The following ITGB4 variants were observed in gnomAD, a reference collection of about 807,000 sequenced individuals.
The protein encoded by ITGB4 is integrin subunit beta 4.
A neutral mutation model predicts 207.6 loss-of-function variants in ITGB4; 159 were observed. That is an observed-to-expected ratio of 0.77 (90% CI 0.67 to 0.87). ITGB4 has a LOEUF of 0.87. Among genes scored for constraint, ITGB4 ranks in the 40% least tolerant of loss-of-function variants. The probability of loss-of-function intolerance (pLI) is 0.00; values close to 1 mark genes in which losing one functional copy is unlikely to be tolerated. For missense variants in ITGB4, 2,278 were observed against 2,546.8 expected, an observed-to-expected ratio of 0.89 and a Z score of 2.27; for synonymous variants, 1,020 against 1,062.7, an observed-to-expected ratio of 0.96 and a Z score of 0.78.
Position 75,727,278 on chromosome 17 carries a change from G to C in ITGB4, c.162+1G>C. The C allele has an allele frequency of 6.2e-7, 1 of 1,613,982 alleles. No individual in the cohort carries two copies. The highest frequency in any genetic ancestry group is 2.2e-5 in the East Asian group (1 of 44,864). ...GGACTGCGCCTACTGCACAGACGAG[G>C]TGAGGACCTGGCCCGGGTTGGTGTG... On this transcript the variant is annotated splice_donor_variant, in intron 3 of 39. Transcript: ENST00000200181. LOFTEE classifies it high-confidence loss of function. This position sits in a 1 kb window ranked among gnomAD's most constrained non-coding sequence, Gnocchi z 6.0.
In ITGB4 at chr17:75,757,245, C is replaced by T. The variant is rs140577812; in HGVS notation, c.5264C>T (p.Pro1755Leu). The change falls in exon 39 of 40, where the codon CCG (proline) becomes CTG (leucine). Residue 1755 changes from proline to leucine, a missense_variant. Coordinates refer to ENST00000200181, the MANE Select transcript of ITGB4 (RefSeq NM_000213.5). The part of the protein sequence containing the change: ...LGSRAGLFQH[P>L]LQSEYSSITT... ...AGCCGTGCCGGGCTCTTCCAGCACC[C>T]GCTGCAAAGCGAGTACAGCAGCATC... 3.4e-4 allele frequency: 551 copies of T among 1,611,964 alleles called. No individual in the cohort carries two copies. The highest frequency in any genetic ancestry group is 4.1e-4 in the Non-Finnish European group (483 of 1,180,006).
intron 18 of ITGB4, among the ~76,000 whole-genome samples, chr17:75,738,308 C>T (rs1000345219): frequency 6.6e-6 from 1 of 152,004 alleles, no homozygotes; most frequent in Admixed American, 6.6e-5. Context: ...CAGCCCCCAG[C>T]TCAGCCCTTG....
chr17:75,734,231 G>A (rs1288254058), intron 13 of ITGB4, among the ~76,000 whole-genome samples: 1 of 147,254 alleles, frequency 6.8e-6, no homozygotes, highest in Admixed American at 6.9e-5. Context: ...CTGCCTCCTG[G>A]GTTCAGGCGA....
In ITGB4 at chr17:75,757,279, C is replaced by A; in HGVS notation, c.5298C>A (p.Thr1766=). The A allele has an allele frequency of 1.9e-6, 3 of 1,611,118 alleles. No individual in the cohort carries two copies. Among genetic ancestry groups the A allele is most frequent in the Middle Eastern group, 1.7e-4 (1 of 6,060 alleles). ...GCGAGTACAGCAGCATCACCACCAC[C>A]CACACCAGCGCCACCGAGCCCTTCC... The part of the protein sequence containing the change: ...LQSEYSSITT[T]HTSATEPFLV... The change falls in exon 39 of 40, where the codon ACC becomes ACA. Residue 1766 remains threonine, a synonymous_variant. Transcript: ENST00000200181.
At position 75,742,692 on chromosome 17, in the gene ITGB4, A is replaced by G. The variant is rs896040026; in HGVS notation, c.2893A>G (p.Ile965Val). 5 of 1,613,746 alleles carry G rather than the reference A, an allele frequency of 3.1e-6. No homozygotes were observed. The African/African-American group carries it at 5.3e-5, about 17-fold the overall frequency. ...DDEKQLLVEA[I>V]DVPAGTATLG... ...CGAGAAGCAGCTGCTGGTGGAGGCC[A>G]TCGACGTGCCCGCAGGCACTGCCAC... Residue 965 changes from isoleucine to valine, a missense_variant, in exon 25 of 40, where the codon ATC becomes GTC. Coordinates refer to ENST00000200181, the MANE Select transcript of ITGB4 (RefSeq NM_000213.5). This position sits in a 1 kb window ranked among gnomAD's most constrained non-coding sequence, Gnocchi z 5.9.
Position 75,757,471 on chromosome 17 carries a change from T to C in ITGB4, c.5385T>C (p.His1795=). ...AGGCAGGCGGCTCCCTCACCCGGCATGTGACCCAGGAGTTTGTGAGCCGGA... is the reference window on the plus strand; with the variant it reads ...AGGCAGGCGGCTCCCTCACCCGGCACGTGACCCAGGAGTTTGTGAGCCGGA... The part of the protein sequence containing the change: ...HLEAGGSLTR[H]VTQEFVSRTL... The change falls in exon 40 of 40, where the codon CAT becomes CAC. Residue 1795 remains histidine, a synonymous_variant. Transcript: ENST00000200181. 2 of 1,612,932 alleles carry C rather than the reference T, an allele frequency of 1.2e-6. No individual in the cohort carries two copies. The highest frequency in any genetic ancestry group is 1.7e-6 in the Non-Finnish European group (2 of 1,180,006).
At chr17:75,721,668 G>C (rs1599198712) in intron 1 of ITGB4, 56 bp downstream of exon 1, 1 of 152,606 alleles carries the variant, frequency 6.6e-6, no homozygotes, top group East Asian at 1.9e-4. Flanking sequence ...GGCAGGGCCG[G>C]TGGCTTTTGT....
At chr17:75,724,649 CCATGGCTGTGGAGGCCT>C (rs2060682153) in intron 1 of ITGB4, 28 bp from the exon 2 acceptor site, 2 of 1,395,160 alleles carry the variant, frequency 1.4e-6, no homozygotes, top group Non-Finnish European at 1.0e-6. Flanking sequence ...ACGGCACCGA[CCATGGCTGTGGAGGCCT>C]CATGTGTCAA....
Position 75,727,402 on chromosome 17 carries a change from A to G in ITGB4, c.163-2A>G. The G allele has an allele frequency of 6.2e-7, 1 of 1,614,046 alleles. No individual in the cohort carries two copies. The highest frequency in any genetic ancestry group is 8.5e-7 in the Non-Finnish European group (1 of 1,180,012). Reference sequence around the variant, plus strand: ...CCAGTGACCCCCTGTCCTTCTGGCCAGATGTTCAGGGACCGGCGCTGCAAC... The same window carrying G: ...CCAGTGACCCCCTGTCCTTCTGGCCGGATGTTCAGGGACCGGCGCTGCAAC... On this transcript the variant is annotated splice_acceptor_variant, in intron 3 of 39. Transcript: ENST00000200181. LOFTEE classifies it high-confidence loss of function. This position sits in a 1 kb window ranked among gnomAD's most constrained non-coding sequence, Gnocchi z 6.0.
rs563096686 is a variant in ITGB4, at chr17:75,733,613, C to T, written c.1578C>T (p.Tyr526=). The change falls in exon 13 of 40, where the codon TAC becomes TAT. Residue 526 remains tyrosine (Y), a synonymous_variant. Transcript: ENST00000200181. ...GECQCGHCVC[Y]GEGRYEGQFC... ...GCCAGTGCGGGCACTGTGTGTGCTA[C>T]GGCGAAGGCCGCTACGAGGGTCAGT... 51 of 1,614,140 alleles carry T rather than the reference C, an allele frequency of 3.2e-5. No homozygotes were observed. The East Asian group carries it at 3.3e-4, about 11-fold the overall frequency.
chr17:75,731,453 G>T lies in ITGB4; in HGVS notation c.1215+85G>T. ...ATCGTTTAAAACAGCGGTCAAGAGC[G>T]TGGCCCCTGGAGTCAGGCAGGCCTG... On this transcript the variant is annotated intron_variant, in intron 10 of 39. Transcript: ENST00000200181. The surrounding 1 kb of genome is among the most constrained non-coding windows in gnomAD (Gnocchi z 6.8). The T allele has an allele frequency of 2.9e-6, 4 of 1,399,114 alleles. No individual in the cohort carries two copies. The Admixed American group carries it at 7.2e-5, about 25-fold the overall frequency. 86.7% of individuals were successfully genotyped at this position (1,399,114 alleles called of 1,614,324 possible).
intron 18 of ITGB4, 111 bp downstream of exon 18, chr17:75,737,755 G>A (rs2061014231): frequency 1.1e-6 from 1 of 925,896 alleles, no homozygotes; most frequent in Admixed American, 1.9e-5. Flanking sequence ...CATCTCCCCA[G>A]GGTCCCCAAC....
Position 75,749,195 on chromosome 17 carries a change from G to C in ITGB4, c.3316+150G>C. The C allele has an allele frequency of 8.3e-6, 6 of 722,246 alleles. No individual in the cohort carries two copies. In the South Asian group the frequency reaches 9.7e-5, roughly 12 times the overall value. 44.7% of individuals were successfully genotyped at this position (722,246 alleles called of 1,614,324 possible). ...AACAACATACACGTTGGTAGGATAA[G>C]TATGTCCCATGCAATATTTGGAACA... is the stretch of plus-strand genomic sequence containing the variant. On this transcript the variant is annotated intron_variant, in intron 27 of 39. Coordinates refer to ENST00000200181, the MANE Select transcript of ITGB4 (RefSeq NM_000213.5).
rs1226598467 is a variant in ITGB4 at position 75,757,633 on chromosome 17, A to C, written c.*78A>C. The C allele has an allele frequency of 6.3e-7, 1 of 1,584,082 alleles. No individual in the cohort carries two copies. Among genetic ancestry groups the C allele is most frequent in the South Asian group, 1.1e-5 (1 of 90,428 alleles). On this transcript the variant is annotated 3_prime_UTR_variant, in exon 40 of 40. Coordinates refer to ENST00000200181, the MANE Select transcript of ITGB4 (RefSeq NM_000213.5). Reference sequence around the variant, plus strand: ...CTCCCGGAGCCTCCTCAGCTACTCCATCCTTGCACCCCTGGGGGCCCAGCC... The same window carrying C: ...CTCCCGGAGCCTCCTCAGCTACTCCCTCCTTGCACCCCTGGGGGCCCAGCC...
intron 6 of ITGB4, 141 bp downstream of exon 6, chr17:75,728,614 C>A: frequency 1.4e-6 from 1 of 703,452 alleles, no homozygotes; most frequent in Non-Finnish European, 2.5e-6. Context: ...TTTGGGAGAC[C>A]AGGGCGGGCA....
rs2060749185 is a variant in ITGB4, at chr17:75,727,610, G to C, written c.265-41G>C. ...GGGCTGGGCCCCCATCGGGCCTCCG[G>C]AGTGACCCTCTAGCCAGCTGTCCCC... On this transcript the variant is annotated intron_variant, in intron 4 of 39. Transcript: ENST00000200181. The surrounding 1 kb of genome is among the most constrained non-coding windows in gnomAD (Gnocchi z 6.0). 6.3e-7 allele frequency: 1 copy of C among 1,583,098 alleles called. No homozygotes were observed. The highest frequency in any genetic ancestry group is 8.6e-7 in the Non-Finnish European group (1 of 1,164,838).
rs762774843 is a variant in ITGB4 at position 75,757,643 on chromosome 17, C to T, written c.*88C>T. On this transcript the variant is annotated 3_prime_UTR_variant, in exon 40 of 40. Coordinates refer to ENST00000200181, the MANE Select transcript of ITGB4 (RefSeq NM_000213.5). The stretch of plus-strand genomic sequence containing the variant: ...CTCCTCAGCTACTCCATCCTTGCAC[C>T]CCTGGGGGCCCAGCCCACCCGCATG... 1 of 1,569,112 alleles carries T rather than the reference C, an allele frequency of 6.4e-7. No individual in the cohort carries two copies. The highest frequency in any genetic ancestry group is 1.3e-5 in the African/African-American group (1 of 74,126).
chr17:75,727,373 G>T lies in ITGB4; in HGVS notation c.163-31G>T, dbSNP rs892480182. 3.7e-5 allele frequency: 60 copies of T among 1,612,848 alleles called. No homozygotes were observed. Among genetic ancestry groups the T allele is most frequent in the Non-Finnish European group, 5.1e-5 (60 of 1,179,054 alleles). ...TTGGGGCAGCCAGGGAATGGGTGCT[G>T]CCCCCAGTGACCCCCTGTCCTTCTG... On this transcript the variant is annotated intron_variant, in intron 3 of 39. Coordinates refer to ENST00000200181, the MANE Select transcript of ITGB4 (RefSeq NM_000213.5). This position sits in a 1 kb window ranked among gnomAD's most constrained non-coding sequence, Gnocchi z 6.0.
At chr17:75,733,260 C>A (rs1032591230) in intron 12 of ITGB4, among the ~76,000 whole-genome samples, 257 of 150,746 alleles carry the variant, frequency 1.7e-3, no homozygotes, top group African/African-American at 6.0e-3. Flanking sequence ...GTGGCGGGTG[C>A]CTGTAGTCCC....
Sources: allele counts gnomAD v4.1 joint callset (sites outside exome capture counted in the v4.1 genomes callset), GRCh38; gene constraint gnomAD v4.1.1; non-coding constraint Gnocchi (gnomAD v3.1); transcripts MANE v1.5; gene names NCBI Gene and HGNC (gene_info 2026-07-23, HGNC 2026-07-21).